Variants in TIAM2 observed in about 807,000 individuals in gnomAD.
TIAM2 encodes the protein TIAM Rac1 associated GEF 2, also known as rho guanine nucleotide exchange factor TIAM2.
Under a neutral mutation model 152.9 loss-of-function variants are expected in TIAM2, and 80 were observed. That is an observed-to-expected ratio of 0.52 (90% confidence interval 0.44 to 0.63). The LOEUF is 0.63. Among genes scored for constraint, TIAM2 ranks in the 30% least tolerant of loss-of-function variants. The pLI, the probability that TIAM2 is intolerant of heterozygous loss-of-function variation, is 0.00. For missense variants in TIAM2, 1,965 were observed against 2,120.1 expected (o/e 0.93, Z 1.44); for synonymous variants, 804 against 838.0 (o/e 0.96, Z 0.70).
intron 15 of TIAM2, among the ~76,000 whole-genome samples, chr6:155,228,888 C>T (rs1478571506): frequency 6.6e-6 from 1 of 152,206 alleles, no homozygotes. Context: ...TCTGGGAAGC[C>T]CCACAGCAGT....
intron 5 of TIAM2, among the ~76,000 whole-genome samples, chr6:155,142,261 G>A (rs1779728751): frequency 6.6e-6 from 1 of 151,206 alleles, no homozygotes; most frequent in Non-Finnish European, 1.5e-5. Context: ...TTTTAAATTT[G>A]ATAGCCACAA....
At position 155,160,334 on chromosome 6, in the gene TIAM2, A is replaced by AAGAC. The variant is rs1780236327; in HGVS notation, c.2029-4081_2029-4080insAGAC. Among the ~76,000 whole-genome samples, 3 of 152,218 alleles carry AAGAC rather than the reference A, an allele frequency of 2.0e-5. No homozygotes were observed. The South Asian group carries it at 6.2e-4, about 32-fold the overall frequency. ...GTTCTCTCTTACTTGAGGGGGTGTC[A>AAGAC]GCCTTTTTGTCCTCTTCAGGTGGTC... On this transcript the variant is annotated intron_variant, in intron 7 of 26. Coordinates refer to ENST00000682666, the MANE Select transcript of TIAM2 (RefSeq NM_012454.4).
chr6:155,095,972 A>C (rs1416057978), intron 2 of TIAM2, among the ~76,000 whole-genome samples: 1 of 152,050 alleles, frequency 6.6e-6, no homozygotes, highest in Non-Finnish European at 1.5e-5. Context: ...TTTTTTTTCT[A>C]CCAAAAACTT....
chr6:155,137,897 C>T (rs1197816221), intron 5 of TIAM2, among the ~76,000 whole-genome samples: 2 of 152,110 alleles, frequency 1.3e-5, no homozygotes, highest in African/African-American at 4.8e-5. Flanking sequence ...AGTGCAATGG[C>T]AGGATCTCAG....
intron 1 of TIAM2, among the ~76,000 whole-genome samples, chr6:155,000,442 A>G (rs186004227): frequency 1.2e-4 from 18 of 151,654 alleles, no homozygotes; most frequent in African/African-American, 3.9e-4. Flanking sequence ...GAAGCAGGAG[A>G]ATCACTTGAA....
intron 1 of TIAM2, among the ~76,000 whole-genome samples, chr6:155,021,424 G>T (rs1158290936): frequency 6.6e-6 from 1 of 151,988 alleles, no homozygotes; most frequent in Non-Finnish European, 1.5e-5. Flanking sequence ...ACCGTGCCCG[G>T]CTAGTTTTTA....
chr6:155,066,446 G>A (rs929920862), intron 1 of TIAM2, among the ~76,000 whole-genome samples: 1 of 152,236 alleles, frequency 6.6e-6, no homozygotes, highest in African/African-American at 2.4e-5. Flanking sequence ...TGTCACCGCT[G>A]GGAAGAGTTG....
chr6:155,195,855 T>A (rs1201305067), intron 14 of TIAM2, among the ~76,000 whole-genome samples: 1 of 152,150 alleles, frequency 6.6e-6, no homozygotes. Flanking sequence ...TGTGGCCTGT[T>A]TTTCGGCAGG....
At chr6:155,141,256 C>A (rs1024888725) in intron 5 of TIAM2, among the ~76,000 whole-genome samples, 1 of 151,540 alleles carries the variant, frequency 6.6e-6, no homozygotes. Context: ...CCCAGCGTAA[C>A]CTTTTCCATG....
rs1032721749 is a variant in TIAM2 at position 155,204,911 on chromosome 6, G to C, written c.3065-6293G>C. 2.6e-5 allele frequency among the ~76,000 whole-genome samples: 4 copies of C among 152,208 alleles called. No individual in the cohort carries two copies. The South Asian group carries it at 8.3e-4, about 32-fold the overall frequency. On this transcript the variant is annotated intron_variant, in intron 14 of 26. Coordinates refer to ENST00000682666, the MANE Select transcript of TIAM2 (RefSeq NM_012454.4). Reference sequence around the variant, plus strand: ...AAGTCCAGTGTCAAGGTGCCATTAGGTTTGGTGATTCTGATTCCAGGATGG... The same window carrying C: ...AAGTCCAGTGTCAAGGTGCCATTAGCTTTGGTGATTCTGATTCCAGGATGG...
chr6:155,035,684 G>A (rs564816762), intron 1 of TIAM2, among the ~76,000 whole-genome samples: 1 of 152,252 alleles, frequency 6.6e-6, no homozygotes, highest in South Asian at 2.1e-4. Context: ...AAACCTAATT[G>A]AGATCCAGTA....
At chr6:155,084,221 G>A (rs1454853841) in intron 1 of TIAM2, among the ~76,000 whole-genome samples, 1 of 152,112 alleles carries the variant, frequency 6.6e-6, no homozygotes, top group Non-Finnish European at 1.5e-5. Context: ...TGGGGTAGGA[G>A]CCACTTCACA....
chr6:155,110,195 C>T (rs555388942), intron 2 of TIAM2, among the ~76,000 whole-genome samples: 4 of 152,040 alleles, frequency 2.6e-5, no homozygotes, highest in Non-Finnish European at 4.4e-5. Flanking sequence ...TCAAGTGATC[C>T]GCCCGCCTTG....
rs917517985 is a variant in TIAM2, at chr6:155,174,698, T to C, written c.2362-2118T>C. 2.6e-5 allele frequency among the ~76,000 whole-genome samples: 4 copies of C among 152,188 alleles called. No homozygotes were observed. The highest frequency in any genetic ancestry group is 5.9e-5 in the Non-Finnish European group (4 of 68,032). ...GATACAGTCTTTCTCTGATTGTCAG[T>C]AACGGTGAGAACAAGAGGGTGTGAA... On this transcript the variant is annotated intron_variant, in intron 9 of 26. Coordinates refer to ENST00000682666, the MANE Select transcript of TIAM2 (RefSeq NM_012454.4). The surrounding 1 kb of genome is among the most constrained non-coding windows in gnomAD (Gnocchi z 4.2).
intron 9 of TIAM2, among the ~76,000 whole-genome samples, chr6:155,166,354 T>C (rs1047807579): frequency 6.6e-6 from 1 of 151,758 alleles, no homozygotes; most frequent in Non-Finnish European, 1.5e-5. Context: ...GATGGAGTCT[T>C]GCTCTGTCAC....
At chr6:155,025,740 C>T (rs1471784469) in intron 1 of TIAM2, among the ~76,000 whole-genome samples, 1 of 151,568 alleles carries the variant, frequency 6.6e-6, no homozygotes, top group African/African-American at 2.4e-5. Flanking sequence ...GGGTAGTACC[C>T]GCCAATTTTA....
At chr6:155,074,904 G>C (rs1423194753) in intron 1 of TIAM2, among the ~76,000 whole-genome samples, 2 of 151,726 alleles carry the variant, frequency 1.3e-5, no homozygotes, top group East Asian at 3.9e-4. Flanking sequence ...AGTAGAGGTG[G>C]AGATGGGACC....
At chr6:155,032,324 G>A (rs1425513964) in intron 1 of TIAM2, among the ~76,000 whole-genome samples, 1 of 152,160 alleles carries the variant, frequency 6.6e-6, no homozygotes, top group African/African-American at 2.4e-5. Context: ...TTCATGGAAC[G>A]CAACGCTCGG....
At chr6:155,207,249 C>G (rs572460104) in intron 14 of TIAM2, among the ~76,000 whole-genome samples, 8 of 152,338 alleles carry the variant, frequency 5.3e-5, no homozygotes, top group Non-Finnish European at 8.8e-5. Flanking sequence ...AGCCAGTCTT[C>G]TATTCTTCCA....
Sources: allele counts gnomAD v4.1 joint callset (sites outside exome capture counted in the v4.1 genomes callset), GRCh38; gene constraint gnomAD v4.1.1; non-coding constraint Gnocchi (gnomAD v3.1); transcripts MANE v1.5; gene names NCBI Gene and HGNC (gene_info 2026-07-23, HGNC 2026-07-21).